Variants in DGKB observed in about 807,000 individuals in gnomAD.
The protein encoded by DGKB is diacylglycerol kinase beta, also known as 90 kDa diacylglycerol kinase.
In DGKB, 67 loss-of-function variants were observed where a neutral mutation model predicts 114.3. The observed-to-expected ratio is 0.59, with a 90% CI of 0.48 to 0.72. The LOEUF (loss-of-function observed/expected upper bound fraction) is 0.72, where lower values mean the gene tolerates loss of function less well. Ranked by LOEUF, DGKB falls within the 30% of genes least tolerant of loss-of-function variation. DGKB has a pLI of 0.00. For missense variants in DGKB, 907 were observed against 975.2 expected (o/e 0.93, Z 0.93); for synonymous variants, 398 against 323.1 (o/e 1.23, Z -2.49).
intron 3 of DGKB, among the ~76,000 whole-genome samples, chr7:14,755,542 C>T (rs1435863065): frequency 6.6e-6 from 1 of 152,098 alleles, no homozygotes; most frequent in Non-Finnish European, 1.5e-5. Flanking sequence ...AACTAGTCAT[C>T]AGTGCAAACA....
At chr7:14,406,062 G>T (rs1361434399) in intron 21 of DGKB, among the ~76,000 whole-genome samples, 1 of 152,028 alleles carries the variant, frequency 6.6e-6, no homozygotes, top group Non-Finnish European at 1.5e-5. Context: ...GTATATTCAA[G>T]AGAAGTTGGA....
At chr7:14,370,751 A>G (rs187968827) in intron 21 of DGKB, among the ~76,000 whole-genome samples, 7 of 152,278 alleles carry the variant, frequency 4.6e-5, no homozygotes. Context: ...AGTTTGAGAT[A>G]AAAATGATCC....
intron 21 of DGKB, among the ~76,000 whole-genome samples, chr7:14,441,547 T>G (rs1490924719): frequency 6.6e-6 from 1 of 152,156 alleles, no homozygotes; most frequent in East Asian, 1.9e-4. Flanking sequence ...GACATTATTT[T>G]TTACTCTGGA....
chr7:14,433,603 G>A (rs1263734169), intron 21 of DGKB, among the ~76,000 whole-genome samples: 1 of 152,044 alleles, frequency 6.6e-6, no homozygotes, highest in East Asian at 1.9e-4. Context: ...TATATTTAAA[G>A]CAGTTACTGT....
intron 23 of DGKB, among the ~76,000 whole-genome samples, chr7:14,201,093 C>T (rs964419484): frequency 6.6e-6 from 1 of 151,948 alleles, no homozygotes; most frequent in African/African-American, 2.4e-5. Context: ...ATGTATTTCT[C>T]ACAGTTCTGG....
chr7:14,951,336 G>T (rs988314353), intron 1 of DGKB, among the ~76,000 whole-genome samples: 1 of 151,962 alleles, frequency 6.6e-6, no homozygotes, highest in African/African-American at 2.4e-5. Flanking sequence ...CTGGCAATAG[G>T]AATGGACAAA....
At chr7:14,582,759 T>A (rs1800139521) in intron 18 of DGKB, among the ~76,000 whole-genome samples, 2 of 152,152 alleles carry the variant, frequency 1.3e-5, no homozygotes, top group Non-Finnish European at 1.5e-5. Context: ...CAGTTCCTTG[T>A]CTGGGGCACA....
At chr7:14,231,123 C>CTT (rs1554297180) in intron 23 of DGKB, among the ~76,000 whole-genome samples, 1 of 124,208 alleles carries the variant, frequency 8.1e-6, no homozygotes, top group African/African-American at 3.2e-5. Flanking sequence ...TTCTTTCTTT[C>CTT]TTTCTTTCTT....
intron 21 of DGKB, among the ~76,000 whole-genome samples, chr7:14,360,684 A>T (rs1333828128): frequency 2.0e-5 from 3 of 152,090 alleles, no homozygotes; most frequent in African/African-American, 7.2e-5. Flanking sequence ...TCAGATTATT[A>T]AACTAGATAA....
intron 23 of DGKB, among the ~76,000 whole-genome samples, chr7:14,319,418 T>C (rs1016804718): frequency 6.6e-6 from 1 of 152,178 alleles, no homozygotes; most frequent in African/African-American, 2.4e-5. Context: ...AAATTTTTGT[T>C]TTTTAAATAT....
At chr7:14,153,088 T>C (rs1782467633) in intron 25 of DGKB, among the ~76,000 whole-genome samples, 1 of 152,098 alleles carries the variant, frequency 6.6e-6, no homozygotes, top group African/African-American at 2.4e-5. Flanking sequence ...CAGATATTTG[T>C]GTTCTCTTCA....
chr7:14,467,931 A>G (rs1402250077), intron 21 of DGKB, among the ~76,000 whole-genome samples: 1 of 152,086 alleles, frequency 6.6e-6, no homozygotes, highest in Non-Finnish European at 1.5e-5. Context: ...CTTACCTTCT[A>G]CTTAATATGT....
Position 14,824,677 on chromosome 7 carries a change from A to G in DGKB, c.70+16517T>C, listed in dbSNP as rs79177778. On this transcript the variant is annotated intron_variant, in intron 2 of 25. Transcript: ENST00000402815. ...CAACATATTTTCTGAGCTGTGATCC[A>G]AGGTGAGTTACATGAGAAATTAGAA... Among the ~76,000 whole-genome samples, 16 of 152,196 alleles carry G rather than the reference A, an allele frequency of 1.1e-4. No homozygotes were observed. The East Asian group carries it at 3.1e-3, about 29-fold the overall frequency.
At chr7:14,386,800 A>G (rs890313752) in intron 21 of DGKB, among the ~76,000 whole-genome samples, 16 of 152,218 alleles carry the variant, frequency 1.1e-4, no homozygotes, top group Middle Eastern at 3.2e-3. Context: ...GGTGGGTGGC[A>G]GAAGGACAAA....
intron 1 of DGKB, among the ~76,000 whole-genome samples, chr7:14,887,629 A>G (rs1780520003): frequency 6.6e-6 from 1 of 151,802 alleles, no homozygotes; most frequent in African/African-American, 2.4e-5. Context: ...TTATGTCGAT[A>G]GAGGAATGGA....
rs1441936187 is a variant in DGKB, at chr7:14,923,926, C to T, written c.-188+50770G>A. Among the ~76,000 whole-genome samples, 12 of 134,958 alleles carry T rather than the reference C, an allele frequency of 8.9e-5. No individual in the cohort carries two copies. In the East Asian group the frequency reaches 2.1e-3, roughly 23 times the overall value. The allele number at this position is 134,958 out of a possible 152,430, so 88.5% of individuals were successfully genotyped here. On this transcript the variant is annotated intron_variant, in intron 1 of 4. Coordinates refer to the DGKB transcript ENST00000437998. Reference sequence around the variant, plus strand: ...AGGAGAATCTCTTGAACCCGGGAGGCGGAGGTTGCAGTGAGCAACTGCACT... The same window carrying T: ...AGGAGAATCTCTTGAACCCGGGAGGTGGAGGTTGCAGTGAGCAACTGCACT...
intron 23 of DGKB, among the ~76,000 whole-genome samples, chr7:14,272,511 G>C (rs913014951): frequency 3.3e-5 from 5 of 152,114 alleles, no homozygotes; most frequent in African/African-American, 9.7e-5. Flanking sequence ...TTTTTCTATT[G>C]AGATTTATAT....
At chr7:14,259,379 TTCTCTCTCTC>T (rs752185464) in intron 23 of DGKB, among the ~76,000 whole-genome samples, 6 of 142,284 alleles carry the variant, frequency 4.2e-5, no homozygotes, top group African/African-American at 1.1e-4. Flanking sequence ...CTAGTAAAGT[TTCTCTCTCTC>T]TCTCTCTCTC....
At chr7:14,464,914 C>A (rs986672769) in intron 21 of DGKB, among the ~76,000 whole-genome samples, 1 of 152,174 alleles carries the variant, frequency 6.6e-6, no homozygotes, top group Non-Finnish European at 1.5e-5. Flanking sequence ...CACCACCATG[C>A]CCCTGCCAGA....
Sources: allele counts gnomAD v4.1 joint callset (sites outside exome capture counted in the v4.1 genomes callset), GRCh38; gene constraint gnomAD v4.1.1; transcripts MANE v1.5; gene names NCBI Gene and HGNC (gene_info 2026-07-23, HGNC 2026-07-21).